The following DMD variants were observed in gnomAD, a reference collection of about 807,000 sequenced individuals.
DMD encodes dystrophin.
A neutral mutation model predicts 330.1 loss-of-function variants in DMD; 63 were observed. The ratio of observed to expected loss-of-function variants is 0.19; its 90% CI spans 0.16 to 0.24. DMD has a LOEUF of 0.24. DMD is among the 10% of genes least tolerant of loss of function. The pLI is 1.00. For missense variants in DMD, 3,344 were observed against 2,684.1 expected, an observed-to-expected ratio of 1.25 and a Z score of -5.43; for synonymous variants, 1,223 against 959.8, an observed-to-expected ratio of 1.27 and a Z score of -5.07.
At chrX:32,360,798 C>A (rs868132550) in intron 37 of DMD, among the ~76,000 whole-genome samples, 22 of 37,745 alleles carry the variant, frequency 5.8e-4, no homozygotes, top group African/African-American at 2.7e-3. Context: ...CACACACACA[C>A]AAAATAATAA....
At chrX:31,371,996 A>C (rs775806848) in intron 60 of DMD, among the ~76,000 whole-genome samples, 188 of 111,853 alleles carry the variant, frequency 1.7e-3, no homozygotes, top group African/African-American at 5.8e-3. Flanking sequence ...TAGTTGTTAG[A>C]ATTAAGGGAG....
At chrX:32,783,758 G>C (rs1333452791) in intron 7 of DMD, among the ~76,000 whole-genome samples, 2 of 110,951 alleles carry the variant, frequency 1.8e-5, no homozygotes, top group Non-Finnish European at 3.8e-5. Flanking sequence ...ATTTATATAA[G>C]GAACTTAAGC....
intron 7 of DMD, among the ~76,000 whole-genome samples, chrX:32,743,380 C>T (rs1352655657): frequency 9.0e-6 from 1 of 111,376 alleles, no homozygotes; most frequent in East Asian, 2.8e-4. Context: ...TACTCATATT[C>T]CCTAGCATCT....
chrX:32,595,101 C>T (rs1425236575), intron 13 of DMD, among the ~76,000 whole-genome samples: 4 of 111,511 alleles, frequency 3.6e-5, no homozygotes, highest in African/African-American at 9.8e-5. Flanking sequence ...GGCTGGAAGG[C>T]AGTAGCCATT....
At chrX:32,736,139 T>A (rs2068446199) in intron 7 of DMD, among the ~76,000 whole-genome samples, 1 of 112,097 alleles carries the variant, frequency 8.9e-6, no homozygotes, top group African/African-American at 3.2e-5. Context: ...AGAAGACATT[T>A]ATGCAGCCAA....
intron 2 of DMD, among the ~76,000 whole-genome samples, chrX:32,889,298 T>C (rs1395961167): frequency 9.0e-6 from 1 of 111,132 alleles, no homozygotes; most frequent in East Asian, 2.8e-4. Context: ...CAGTGCTCAA[T>C]GGGTTTTTGG....
intron 60 of DMD, among the ~76,000 whole-genome samples, chrX:31,414,661 C>G (rs1259249194): frequency 8.9e-6 from 1 of 112,226 alleles, no homozygotes; most frequent in Admixed American, 9.5e-5. Flanking sequence ...TCATCTGATA[C>G]AGACATAATT....
chrX:32,856,284 ATAATCCAGCAATCC>A (rs2081550896), intron 2 of DMD, among the ~76,000 whole-genome samples: 1 of 112,041 alleles, frequency 8.9e-6, no homozygotes, highest in Non-Finnish European at 1.9e-5. Context: ...GAACTACCAT[ATAATCCAGCAATCC>A]TACTGCCGGG....
rs1026613996 is a variant in DMD, at chrX:31,209,498, G to A, written c.9563C>T (p.Thr3188Met). 5.0e-6 allele frequency: 6 copies of A among 1,207,914 alleles called. No homozygotes were observed. The highest frequency in any genetic ancestry group is 4.4e-5 in the Admixed American group (2 of 45,679). Residue 3188 changes from threonine (T) to methionine (M), a missense_variant and splice_region_variant, in exon 65 of 79, where the codon ACG becomes ATG. Coordinates refer to ENST00000357033, the MANE Select transcript of DMD (RefSeq NM_004006.3). ...CLNWLLNVYDTGRTGRIRVLS... is the reference protein window; with the variant it reads ...CLNWLLNVYDMGRTGRIRVLS... ...GGAAATAAAAACATGCCATACGTAC[G>A]TATCATAAACATTCAGCAGCCAGTT...
At chrX:31,547,758 A>T (rs1382065440) in intron 55 of DMD, among the ~76,000 whole-genome samples, 1 of 112,204 alleles carries the variant, frequency 8.9e-6, no homozygotes, top group African/African-American at 3.2e-5. Context: ...TCATTTTCAG[A>T]CTTGGAGTTT....
At chrX:31,162,694 A>G (rs2038980315) in intron 74 of DMD, among the ~76,000 whole-genome samples, 1 of 111,507 alleles carries the variant, frequency 9.0e-6, no homozygotes, top group African/African-American at 3.3e-5. Context: ...CTCCTAAAAA[A>G]GCTTTAAGGC....
chrX:31,344,073 C>T (rs908928235), intron 61 of DMD, among the ~76,000 whole-genome samples: 3 of 105,148 alleles, frequency 2.9e-5, no homozygotes, highest in African/African-American at 1.1e-4. Context: ...GCAGCCTTGA[C>T]CTCTTGGGCT....
intron 9 of DMD, among the ~76,000 whole-genome samples, chrX:32,683,997 A>G (rs1345039407): frequency 1.3e-5 from 1 of 77,117 alleles, no homozygotes; most frequent in Non-Finnish European, 2.1e-5. Flanking sequence ...CACATACAAA[A>G]CACACACACA....
intron 2 of DMD, among the ~76,000 whole-genome samples, chrX:32,915,525 G>A (rs1262460507): frequency 1.8e-5 from 2 of 111,250 alleles, no homozygotes. Flanking sequence ...GTGGCTTGGT[G>A]TGAGGTCTGA....
chrX:32,152,103 T>C (rs1230901145), intron 44 of DMD, among the ~76,000 whole-genome samples: 1 of 111,793 alleles, frequency 8.9e-6, no homozygotes, highest in Non-Finnish European at 1.9e-5. Flanking sequence ...TGTTAATATA[T>C]TTTAACTCAT....
upstream of DMD, among the ~76,000 whole-genome samples, chrX:33,215,310 C>T (rs1163851653): frequency 1.4e-5 from 1 of 72,193 alleles, no homozygotes; most frequent in East Asian, 3.7e-4. Flanking sequence ...GGACTAAGAG[C>T]AAGACCCTAT....
rs539496598 is a variant in DMD at position 32,125,119 on chromosome X, G to T, written c.6438+91797C>A. On this transcript the variant is annotated intron_variant, in intron 44 of 78. Transcript: ENST00000357033. The stretch of plus-strand genomic sequence containing the variant: ...AAATTAATGTGAACCTTTTGAAGGA[G>T]AAATCTAGCCAAGGCTAGATTTATA... Among the ~76,000 whole-genome samples, 13 of 110,926 alleles carry T rather than the reference G, an allele frequency of 1.2e-4. No homozygotes were observed. The South Asian group carries it at 3.5e-3, about 30-fold the overall frequency.
chrX:32,830,974 C>A (rs999714007), intron 4 of DMD, among the ~76,000 whole-genome samples: 2 of 111,368 alleles, frequency 1.8e-5, no homozygotes, highest in Admixed American at 9.6e-5. Flanking sequence ...TAGTCTCCTG[C>A]TGTCTATTTT....
At chrX:31,420,799 T>C (rs770437964) in intron 60 of DMD, among the ~76,000 whole-genome samples, 2 of 112,471 alleles carry the variant, frequency 1.8e-5, no homozygotes, top group South Asian at 3.7e-4. Context: ...TCTTATGTCA[T>C]ACAACTGCTG....
Sources: gnomAD v4.1 joint callset for allele counts (sites outside exome capture counted in the v4.1 genomes callset) on GRCh38, gnomAD v4.1.1 for gene constraint, MANE v1.5 for transcripts, NCBI Gene and HGNC (gene_info 2026-07-23, HGNC 2026-07-21) for gene names.